STIM2: variants seen among roughly 807,000 people sequenced by gnomAD.
STIM2 encodes the protein stromal interaction molecule 2.
A neutral mutation model predicts 85.8 loss-of-function variants in STIM2; 31 were observed. The observed-to-expected ratio is 0.36, with a 90% CI of 0.27 to 0.49. STIM2 has a LOEUF of 0.49. Among genes scored for constraint, STIM2 ranks in the 20% least tolerant of loss-of-function variants. The pLI is 0.98. For missense variants in STIM2, 841 were observed against 927.6 expected (o/e 0.91, Z 1.21); for synonymous variants, 356 against 331.1 (o/e 1.08, Z -0.82).
chr4:27,017,612 C>T (rs1266436261), intron 10 of STIM2, 99 bp from the exon 11 acceptor site: 1 of 1,411,832 alleles, frequency 7.1e-7, no homozygotes, highest in Non-Finnish European at 9.8e-7. Flanking sequence ...GAAACAGTGA[C>T]ATATTAGTGA....
intron 3 of STIM2, among the ~76,000 whole-genome samples, chr4:26,964,514 T>C (rs1315030410): frequency 6.6e-6 from 1 of 152,106 alleles, no homozygotes; most frequent in African/African-American, 2.4e-5. Flanking sequence ...GTGGGAAGAA[T>C]GAAACTTGAA....
At position 27,023,017 on chromosome 4, in the gene STIM2, C is replaced by G; in HGVS notation, c.*21C>G. ...AGTGAACTGGCTGACTTGATGGAAT[C>G]ATGTTCAAGTGGCATCTGTAAACTA... On this transcript the variant is annotated 3_prime_UTR_variant, in exon 12 of 12. Transcript: ENST00000467087. The G allele has an allele frequency of 6.3e-7, 1 of 1,596,634 alleles. No individual in the cohort carries two copies. Among genetic ancestry groups the G allele is most frequent in the African/African-American group, 1.3e-5 (1 of 74,604 alleles).
At chr4:26,885,037 C>G (rs979767283) in intron 1 of STIM2, among the ~76,000 whole-genome samples, 1 of 152,150 alleles carries the variant, frequency 6.6e-6, no homozygotes. Flanking sequence ...ACTTATTTCT[C>G]TACTTTCTTA....
At chr4:26,881,122 A>G (rs1722998885) in intron 1 of STIM2, among the ~76,000 whole-genome samples, 1 of 152,182 alleles carries the variant, frequency 6.6e-6, no homozygotes, top group Admixed American at 6.5e-5. Context: ...GGAAGTGACT[A>G]GGTCATAAGG....
intron 3 of STIM2, among the ~76,000 whole-genome samples, chr4:26,991,429 G>A (rs115636085): frequency 0.017 from 2,569 of 152,192 alleles, 36 homozygotes; most frequent in Non-Finnish European, 0.027. Context: ...GCTGGGAAGC[G>A]AAGAGGGGAA....
chr4:26,888,473 AT>A (rs1438920612), intron 1 of STIM2, among the ~76,000 whole-genome samples: 7 of 152,240 alleles, frequency 4.6e-5, no homozygotes, highest in Non-Finnish European at 1.0e-4. Context: ...AAACAAAGAT[AT>A]TTGCTAAATA....
chr4:26,880,437 G>A (rs1030361954), intron 1 of STIM2, among the ~76,000 whole-genome samples: 3 of 151,410 alleles, frequency 2.0e-5, no homozygotes, highest in Non-Finnish European at 4.4e-5. Flanking sequence ...ATTTTAATAT[G>A]CTTATTAACT....
At chr4:26,888,260 A>G (rs955401374) in intron 1 of STIM2, among the ~76,000 whole-genome samples, 20 of 152,220 alleles carry the variant, frequency 1.3e-4, no homozygotes, top group African/African-American at 4.8e-4. Context: ...AATGAACGCA[A>G]TAACAAAGTC....
chr4:26,992,171 T>C (rs1727790756), intron 3 of STIM2, among the ~76,000 whole-genome samples: 2 of 152,294 alleles, frequency 1.3e-5, no homozygotes, highest in African/African-American at 4.8e-5. Context: ...GAATTTCTTA[T>C]ACATACAAAT....
chr4:26,907,152 G>T (rs940198515), intron 1 of STIM2, among the ~76,000 whole-genome samples: 1 of 152,026 alleles, frequency 6.6e-6, no homozygotes, highest in Non-Finnish European at 1.5e-5. Flanking sequence ...ATATTTTGAT[G>T]TATTAATTAA....
intron 3 of STIM2, among the ~76,000 whole-genome samples, chr4:26,970,988 G>A (rs913964266): frequency 6.6e-6 from 1 of 152,166 alleles, no homozygotes; most frequent in African/African-American, 2.4e-5. Context: ...TTTCTCTGAT[G>A]ACCAGTGATG....
intron 2 of STIM2, among the ~76,000 whole-genome samples, chr4:26,928,705 CA>C (rs1235955191): frequency 6.6e-6 from 1 of 152,062 alleles, no homozygotes; most frequent in African/African-American, 2.4e-5. Context: ...GTGTTATCAC[CA>C]CTCTGCAAAA....
intron 11 of STIM2, among the ~76,000 whole-genome samples, chr4:27,022,015 C>A (rs992576503): frequency 2.0e-5 from 3 of 152,028 alleles, no homozygotes; most frequent in Admixed American, 1.3e-4. Context: ...GATTCCCTGC[C>A]CCCCTTTTAA....
chr4:26,895,180 C>G (rs1219084863), intron 1 of STIM2, among the ~76,000 whole-genome samples: 1 of 152,156 alleles, frequency 6.6e-6, no homozygotes, highest in Non-Finnish European at 1.5e-5. Context: ...CCACTGCACT[C>G]CAGCCTAGGC....
chr4:26,866,823 G>A (rs1722427733), intron 1 of STIM2, among the ~76,000 whole-genome samples: 1 of 152,040 alleles, frequency 6.6e-6, no homozygotes, highest in Non-Finnish European at 1.5e-5. Context: ...ACTATTTGAA[G>A]GTTTCTAAAT....
At chr4:26,889,663 C>T (rs369827780) in intron 1 of STIM2, among the ~76,000 whole-genome samples, 1 of 152,154 alleles carries the variant, frequency 6.6e-6, no homozygotes, top group Non-Finnish European at 1.5e-5. Context: ...GATTGGGCCT[C>T]ATTAGCACCT....
At chr4:26,994,640 C>G (rs1727891166) in intron 3 of STIM2, among the ~76,000 whole-genome samples, 1 of 152,062 alleles carries the variant, frequency 6.6e-6, no homozygotes, top group Non-Finnish European at 1.5e-5. Flanking sequence ...AATTAGAAAA[C>G]TGTCCAGAGT....
chr4:26,895,459 G>GT (rs1416388698), intron 1 of STIM2, among the ~76,000 whole-genome samples: 8 of 152,158 alleles, frequency 5.3e-5, no homozygotes, highest in South Asian at 2.1e-4. Context: ...TACGTTTTGA[G>GT]TTTTTTTGCA....
At chr4:27,002,848 A>G in intron 6 of STIM2, 79 bp from the exon 7 acceptor site, 1 of 1,219,458 alleles carries the variant, frequency 8.2e-7, no homozygotes, top group Non-Finnish European at 1.1e-6. Context: ...TAATCGCTTG[A>G]CCCAGTATTC....
Sources: gnomAD v4.1 joint callset for allele counts (sites outside exome capture counted in the v4.1 genomes callset) on GRCh38, gnomAD v4.1.1 for gene constraint, MANE v1.5 for transcripts, NCBI Gene and HGNC (gene_info 2026-07-23, HGNC 2026-07-21) for gene names.